The following SEMA3E variants were observed in gnomAD, a reference collection of about 807,000 sequenced individuals.
SEMA3E encodes the protein semaphorin-3E.
In SEMA3E, 49 loss-of-function variants were observed where a neutral mutation model predicts 93.6. The ratio of observed to expected loss-of-function variants is 0.52; its 90% CI spans 0.42 to 0.66. The LOEUF (loss-of-function observed/expected upper bound fraction) is 0.66, where lower values mean the gene tolerates loss of function less well. SEMA3E is among the 30% of genes least tolerant of loss of function. The pLI, the probability that SEMA3E is intolerant of heterozygous loss-of-function variation, is 0.00. For missense variants in SEMA3E, 906 were observed against 964.8 expected (o/e 0.94, Z 0.81); for synonymous variants, 363 against 330.7 (o/e 1.10, Z -1.06).
rs779655312 is a variant in SEMA3E, at chr7:83,392,570, C to A, written c.1652G>T (p.Gly551Val). Reference protein sequence around the residue: ...GISCSRYYPTGTHAKRRFRRQ... With the variant: ...GISCSRYYPTVTHAKRRFRRQ... ...CACGTCTCACCTTTTTGCATGTGTG[C>A]CTGTTGGGTAATACCGGGAGCAGGA... Residue 551 changes from glycine (G) to valine (V), a missense_variant, in exon 14 of 17, where the codon GGC (glycine) becomes GTC (valine). Transcript: ENST00000643230. The A allele has an allele frequency of 5.6e-6, 9 of 1,613,280 alleles. No homozygotes were observed. Among genetic ancestry groups the A allele is most frequent in the Non-Finnish European group, 7.6e-6 (9 of 1,179,712 alleles).
At chr7:83,645,503 A>G (rs539296656) in intron 1 of SEMA3E, among the ~76,000 whole-genome samples, 1 of 152,210 alleles carries the variant, frequency 6.6e-6, no homozygotes, top group African/African-American at 2.4e-5. Context: ...TAGAAAATAC[A>G]TTAAAAGATT....
chr7:83,639,125 A>ACAAAC lies in SEMA3E; in HGVS notation c.115+9302_115+9303insGTTTG, dbSNP rs1483927675. Among the ~76,000 whole-genome samples, 285 of 137,920 alleles carry ACAAAC rather than the reference A, an allele frequency of 2.1e-3. 9 individuals carry two copies. Among genetic ancestry groups the ACAAAC allele is most frequent in the African/African-American group, 7.5e-3 (268 of 35,580 alleles). The allele number at this position is 137,920 out of a possible 152,430, so 90.5% of individuals were successfully genotyped here. ...GACTCCGTCTCAAAAAAAAAAAAAAAAAAAAAAAAAAAAAACAGAGATTCC... is the reference window on the plus strand; with the variant it reads ...GACTCCGTCTCAAAAAAAAAAAAAAACAAACAAAAAAAAAAAAAAACAGAGATTCC... On this transcript the variant is annotated intron_variant, in intron 1 of 16. Transcript: ENST00000643230.
At position 83,408,487 on chromosome 7, in the gene SEMA3E, C is replaced by T. The variant is rs984688491; in HGVS notation, c.551G>A (p.Gly184Asp). The change falls in exon 6 of 17, where the codon GGT becomes GAT. Residue 184 changes from glycine to aspartate, a missense_variant and splice_region_variant. Physicochemically the swap from Gly to Asp is moderately conservative, Grantham distance 94. Transcript: ENST00000643230. ...PSSSFISTLI[G>D]SELFAGLYSD... is the part of the protein sequence containing the mutation. ...GTAGAGTCCAGCAAACAATTCACTA[C>T]CTACACGGGAGCATCAGTAAAAAAG... 6.2e-7 allele frequency: 1 copy of T among 1,613,606 alleles called. No individual in the cohort carries two copies. Among genetic ancestry groups the T allele is most frequent in the Non-Finnish European group, 8.5e-7 (1 of 1,179,774 alleles).
intron 1 of SEMA3E, among the ~76,000 whole-genome samples, chr7:83,604,354 G>A (rs1385544464): frequency 2.0e-5 from 3 of 151,536 alleles, no homozygotes; most frequent in African/African-American, 7.3e-5. Flanking sequence ...AATGTTAAAA[G>A]TCTCTGACTA....
chr7:83,641,416 G>T lies in SEMA3E; in HGVS notation c.115+7012C>A, dbSNP rs1002317919. The T allele has an allele frequency of 5.1e-6, 5 of 984,648 alleles. No homozygotes were observed. The African/African-American group carries it at 8.7e-5, about 17-fold the overall frequency. The allele number at this position is 984,648 out of a possible 1,614,324, so 61.0% of individuals were successfully genotyped here. On this transcript the variant is annotated intron_variant, in intron 1 of 16. Coordinates refer to ENST00000643230, the MANE Select transcript of SEMA3E (RefSeq NM_012431.3). Reference sequence around the variant, plus strand: ...CATGCTGAGCTGATAGCTGCCTATAGGACACTGTTTAGTTTAACTTTAGGC... The same window carrying T: ...CATGCTGAGCTGATAGCTGCCTATATGACACTGTTTAGTTTAACTTTAGGC...
intron 1 of SEMA3E, among the ~76,000 whole-genome samples, chr7:83,626,008 T>C (rs563172119): frequency 1.1e-3 from 164 of 152,170 alleles, no homozygotes; most frequent in Non-Finnish European, 2.0e-3. Flanking sequence ...TAGATCACAT[T>C]TATTGATTTG....
intron 5 of SEMA3E, among the ~76,000 whole-genome samples, chr7:83,417,650 A>G (rs1400501561): frequency 1.3e-5 from 2 of 152,100 alleles, no homozygotes; most frequent in East Asian, 3.9e-4. Context: ...TGCTCTTTTT[A>G]ATTGAAGGCT....
chr7:83,468,132 T>C (rs1789812836), intron 3 of SEMA3E, among the ~76,000 whole-genome samples: 1 of 152,160 alleles, frequency 6.6e-6, no homozygotes, highest in Admixed American at 6.5e-5. Flanking sequence ...ATAACAGTAT[T>C]AGGAGGAAAA....
intron 4 of SEMA3E, among the ~76,000 whole-genome samples, chr7:83,450,981 C>A (rs2723018): frequency 0.75 from 114,667 of 151,974 alleles, 43,718 homozygotes; most frequent in East Asian, 1. Flanking sequence ...CATAATCCCC[C>A]TGGTCATGGG....
intron 4 of SEMA3E, among the ~76,000 whole-genome samples, chr7:83,450,551 A>C (rs991883294): frequency 1.6e-4 from 24 of 152,304 alleles, no homozygotes; most frequent in African/African-American, 5.8e-4. Context: ...TAAATGAGGC[A>C]AAACTAATCT....
intron 1 of SEMA3E, among the ~76,000 whole-genome samples, chr7:83,505,329 G>T (rs988690887): frequency 6.6e-6 from 1 of 151,924 alleles, no homozygotes; most frequent in African/African-American, 2.4e-5. Flanking sequence ...ACAATATAAA[G>T]ATCAGAAGCA....
At chr7:83,599,088 T>G (rs897090431) in intron 1 of SEMA3E, among the ~76,000 whole-genome samples, 6 of 152,200 alleles carry the variant, frequency 3.9e-5, no homozygotes, top group African/African-American at 1.4e-4. Flanking sequence ...GTAAGAACTC[T>G]CATTTTTAAG....
At chr7:83,552,307 T>A (rs1791782741) in intron 1 of SEMA3E, among the ~76,000 whole-genome samples, 1 of 152,308 alleles carries the variant, frequency 6.6e-6, no homozygotes, top group South Asian at 2.1e-4. Flanking sequence ...CTGTCTTTAC[T>A]TTTATCTCTT....
At chr7:83,381,438 A>G (rs1787775352) in intron 16 of SEMA3E, among the ~76,000 whole-genome samples, 1 of 151,868 alleles carries the variant, frequency 6.6e-6, no homozygotes, top group Non-Finnish European at 1.5e-5. Flanking sequence ...CACTTTTTTC[A>G]GATTTTTTTT....
At chr7:83,429,704 T>A (rs571344949) in intron 4 of SEMA3E, among the ~76,000 whole-genome samples, 22 of 152,052 alleles carry the variant, frequency 1.4e-4, no homozygotes, top group Non-Finnish European at 2.5e-4. Flanking sequence ...TAGTTTCCCC[T>A]CCCCTCTCCC....
intron 1 of SEMA3E, among the ~76,000 whole-genome samples, chr7:83,627,690 T>G (rs1335755734): frequency 4.7e-5 from 7 of 150,236 alleles, no homozygotes; most frequent in African/African-American, 1.7e-4. Flanking sequence ...TACAACCCTT[T>G]ATTTTGAGCC....
At chr7:83,436,124 C>T (rs917896309) in intron 4 of SEMA3E, among the ~76,000 whole-genome samples, 4 of 151,748 alleles carry the variant, frequency 2.6e-5, no homozygotes, top group African/African-American at 4.8e-5. Flanking sequence ...TCTCATGATA[C>T]CTGTTACTAT....
chr7:83,622,349 T>C (rs931645555), intron 1 of SEMA3E, among the ~76,000 whole-genome samples: 2 of 152,130 alleles, frequency 1.3e-5, no homozygotes, highest in African/African-American at 4.8e-5. Flanking sequence ...GGTGAGGTTG[T>C]GGAGAAAAAC....
intron 1 of SEMA3E, among the ~76,000 whole-genome samples, chr7:83,526,349 GT>G (rs1329032706): frequency 6.6e-6 from 1 of 151,966 alleles, no homozygotes; most frequent in African/African-American, 2.4e-5. Context: ...CAGTACTTCA[GT>G]GCAAAGATAC....
Sources: gnomAD v4.1 joint callset for allele counts (sites outside exome capture counted in the v4.1 genomes callset) on GRCh38, gnomAD v4.1.1 for gene constraint, MANE v1.5 for transcripts, NCBI Gene and HGNC (gene_info 2026-07-23, HGNC 2026-07-21) for gene names.